Variants in CLSTN2 observed in about 807,000 individuals in gnomAD.
CLSTN2 encodes calsyntenin 2, also known as calsyntenin-2.
Under a neutral mutation model 101.2 loss-of-function variants are expected in CLSTN2, and 48 were observed. The ratio of observed to expected loss-of-function variants is 0.47; its 90% CI spans 0.38 to 0.60. The LOEUF is 0.60. Ranked by LOEUF, CLSTN2 falls within the 20% of genes least tolerant of loss-of-function variation. The probability of loss-of-function intolerance (pLI) is 0.00; values close to 1 mark genes in which losing one functional copy is unlikely to be tolerated. For missense variants in CLSTN2, 1,160 were observed against 1,238.2 expected (o/e 0.94, Z 0.95); for synonymous variants, 481 against 463.6 (o/e 1.04, Z -0.48).
At chr3:140,476,772 C>T (rs1933994899) in intron 8 of CLSTN2, among the ~76,000 whole-genome samples, 1 of 151,700 alleles carries the variant, frequency 6.6e-6, no homozygotes, top group Non-Finnish European at 1.5e-5. Flanking sequence ...CATTCTCCTG[C>T]CTTAGCCTCC....
intron 14 of CLSTN2, 53 bp from the exon 15 acceptor site, chr3:140,563,027 A>G (rs1488663901): frequency 1.1e-5 from 18 of 1,611,636 alleles, no homozygotes; most frequent in Non-Finnish European, 1.5e-5. Flanking sequence ...AAATGCTGTA[A>G]CTGGCCCACC....
At chr3:140,480,377 G>A (rs1934087872) in intron 8 of CLSTN2, among the ~76,000 whole-genome samples, 1 of 152,104 alleles carries the variant, frequency 6.6e-6, no homozygotes. Flanking sequence ...CCAAGTCTTT[G>A]CTATTGTGAA....
At chr3:140,174,660 G>A (rs151212024) in intron 1 of CLSTN2, among the ~76,000 whole-genome samples, 2 of 152,270 alleles carry the variant, frequency 1.3e-5, no homozygotes, top group African/African-American at 2.4e-5. Context: ...GAGAGAATGA[G>A]GAAGCCGTAA....
intron 10 of CLSTN2, among the ~76,000 whole-genome samples, chr3:140,548,718 AG>A (rs934328651): frequency 5.3e-5 from 8 of 152,210 alleles, no homozygotes; most frequent in African/African-American, 1.7e-4. Context: ...AGGAGGAAAA[AG>A]ATGGAAGGTG....
chr3:140,535,874 G>A lies in CLSTN2; in HGVS notation c.1507+3388G>A, dbSNP rs534210938. On this transcript the variant is annotated intron_variant, in intron 9 of 16. Coordinates refer to ENST00000458420, the MANE Select transcript of CLSTN2 (RefSeq NM_022131.3). ...CCCTCTATTGCTAATTGGTCATTTT[G>A]CTTATGTAATTATGTCTGGAAAAAG... Among the ~76,000 whole-genome samples, 26 of 152,194 alleles carry A rather than the reference G, an allele frequency of 1.7e-4. No homozygotes were observed. In the South Asian group the frequency reaches 5.2e-3, roughly 30 times the overall value.
At chr3:140,288,452 A>C (rs1479869) in intron 2 of CLSTN2, among the ~76,000 whole-genome samples, 54,928 of 151,954 alleles carry the variant, frequency 0.36, 11,463 homozygotes, top group Non-Finnish European at 0.49. Flanking sequence ...TGCAATCACT[A>C]AACACCATTT....
chr3:140,479,651 A>G (rs1934070311), intron 8 of CLSTN2, among the ~76,000 whole-genome samples: 2 of 152,270 alleles, frequency 1.3e-5, no homozygotes, highest in South Asian at 2.1e-4. Context: ...AAATGAAACT[A>G]TACAGAAATG....
chr3:140,028,278 A>G (rs867895238), intron 1 of CLSTN2, among the ~76,000 whole-genome samples: 2 of 152,186 alleles, frequency 1.3e-5, no homozygotes, highest in South Asian at 2.1e-4. Flanking sequence ...AGGCATGCAC[A>G]GGGGAAGAGG....
At chr3:140,073,692 G>A (rs142961036) in intron 1 of CLSTN2, among the ~76,000 whole-genome samples, 25 of 152,352 alleles carry the variant, frequency 1.6e-4, no homozygotes, top group Middle Eastern at 3.4e-3. Context: ...AGCTGTAGGT[G>A]TTAAATAGAT....
intron 2 of CLSTN2, among the ~76,000 whole-genome samples, chr3:140,348,730 T>C (rs2087576205): frequency 6.6e-6 from 1 of 152,186 alleles, no homozygotes; most frequent in South Asian, 2.1e-4. Flanking sequence ...AATAGCCCAG[T>C]CTGCCTAATA....
rs894544347 is a variant in CLSTN2 at position 139,935,644 on chromosome 3, G to T, written c.109+161G>T. On this transcript the variant is annotated intron_variant, in intron 1 of 16. Coordinates refer to ENST00000458420, the MANE Select transcript of CLSTN2 (RefSeq NM_022131.3). This position sits in a 1 kb window ranked among gnomAD's most constrained non-coding sequence, Gnocchi z 5.5. ...TGGATTCCCGAAGTCAGTTCCCTGC[G>T]CAGCGGACCAGAGAGGTCCACCCGC... 6.6e-6 allele frequency among the ~76,000 whole-genome samples: 1 copy of T among 152,170 alleles called. No homozygotes were observed. Among genetic ancestry groups the T allele is most frequent in the African/African-American group, 2.4e-5 (1 of 41,432 alleles).
chr3:140,200,492 G>A (rs2010703847), intron 2 of CLSTN2, among the ~76,000 whole-genome samples: 1 of 152,152 alleles, frequency 6.6e-6, no homozygotes, highest in Non-Finnish European at 1.5e-5. Flanking sequence ...TTCTTAGTCT[G>A]TGAAATGGCA....
chr3:139,980,762 T>C (rs1935900354), intron 1 of CLSTN2, among the ~76,000 whole-genome samples: 1 of 152,144 alleles, frequency 6.6e-6, no homozygotes, highest in Non-Finnish European at 1.5e-5. Flanking sequence ...TTGGTAGATA[T>C]GTGCTGAATG....
chr3:140,071,557 C>A (rs180704325), intron 1 of CLSTN2, among the ~76,000 whole-genome samples: 3 of 152,314 alleles, frequency 2.0e-5, no homozygotes, highest in Admixed American at 2.0e-4. Flanking sequence ...AAAGGCCGGG[C>A]GCAGTGGCTC....
Position 140,099,213 on chromosome 3 carries a change from A to G in CLSTN2, c.110-76738A>G, listed in dbSNP as rs148178193. On this transcript the variant is annotated intron_variant, in intron 1 of 16. Transcript: ENST00000458420. ...TAGCTTCCTAGGACTGCTGTAACAA[A>G]TTACCAGGAACTGCATGGCTTAAAA... is the stretch of plus-strand genomic sequence containing the variant. Among the ~76,000 whole-genome samples, 19 of 152,310 alleles carry G rather than the reference A, an allele frequency of 1.2e-4. No homozygotes were observed. In the East Asian group the frequency reaches 1.9e-3, roughly 15 times the overall value.
intron 2 of CLSTN2, among the ~76,000 whole-genome samples, chr3:140,242,707 G>C (rs2086480888): frequency 6.6e-6 from 1 of 152,188 alleles, no homozygotes; most frequent in South Asian, 2.1e-4. Flanking sequence ...GAGAGGACAT[G>C]ATTCCCATTC....
chr3:140,110,835 T>C (rs1296199596), intron 1 of CLSTN2, among the ~76,000 whole-genome samples: 1 of 152,164 alleles, frequency 6.6e-6, no homozygotes, highest in Non-Finnish European at 1.5e-5. Flanking sequence ...GCTGTTGGCT[T>C]CTCTTCTTTC....
intron 1 of CLSTN2, among the ~76,000 whole-genome samples, chr3:140,160,998 T>G (rs1178711199): frequency 1.3e-5 from 2 of 152,172 alleles, no homozygotes; most frequent in Admixed American, 1.3e-4. Context: ...CAAAGCTTAT[T>G]CATTCATCTT....
chr3:140,486,319 A>T (rs1934241463), intron 8 of CLSTN2, among the ~76,000 whole-genome samples: 1 of 152,180 alleles, frequency 6.6e-6, no homozygotes, highest in African/African-American at 2.4e-5. Context: ...AATATAAAAG[A>T]CTGTCCTTCC....
Sources: allele counts gnomAD v4.1 joint callset (sites outside exome capture counted in the v4.1 genomes callset), GRCh38; gene constraint gnomAD v4.1.1; non-coding constraint Gnocchi (gnomAD v3.1); transcripts MANE v1.5; gene names NCBI Gene and HGNC (gene_info 2026-07-23, HGNC 2026-07-21).